Variants in BCR observed in about 807,000 individuals in gnomAD.
BCR encodes breakpoint cluster region protein.
A neutral mutation model predicts 138.6 loss-of-function variants in BCR; 58 were observed. That is an observed-to-expected ratio of 0.42 (90% CI 0.34 to 0.52). BCR has a LOEUF of 0.52. Ranked by LOEUF, BCR falls within the 20% of genes least tolerant of loss-of-function variation. BCR has a pLI of 0.06. For synonymous variants in BCR, 786 were observed against 730.1 expected, an observed-to-expected ratio of 1.08 and a Z score of -1.23; for missense variants, 1,599 against 1,727.2, an observed-to-expected ratio of 0.93 and a Z score of 1.32.
At chr22:23,299,687 C>T (rs1207330078) in intron 16 of BCR, among the ~76,000 whole-genome samples, 1 of 133,986 alleles carries the variant, frequency 7.5e-6, no homozygotes, top group East Asian at 2.1e-4. Flanking sequence ...TTTAATGGAT[C>T]TAGAGTTTAT....
At chr22:23,205,475 G>GTTTGGC (rs2072601477) in intron 1 of BCR, among the ~76,000 whole-genome samples, 1 of 152,098 alleles carries the variant, frequency 6.6e-6, no homozygotes, top group Non-Finnish European at 1.5e-5. Context: ...TTGCACTTGG[G>GTTTGGC]TTTGGCTTTG....
At chr22:23,247,256 ACCT>A (rs1779388022) in intron 1 of BCR, among the ~76,000 whole-genome samples, 1 of 147,150 alleles carries the variant, frequency 6.8e-6, no homozygotes, top group African/African-American at 2.5e-5. Context: ...CTCTGTGAAA[ACCT>A]CCACCACAGC....
chr22:23,202,589 A>G (rs1438428921), intron 1 of BCR, among the ~76,000 whole-genome samples: 2 of 152,094 alleles, frequency 1.3e-5, no homozygotes, highest in African/African-American at 4.8e-5. Flanking sequence ...GACTCTAGAA[A>G]CTTTATTTAA....
rs775298768 is a variant in BCR, at chr22:23,311,739, G to T, written c.3225G>T (p.Val1075=). ...SKVPYIVRQC[V]EEIERRGMEE... is the part of the protein sequence containing the mutation. ...TGCCCTACATCGTGCGCCAGTGCGT[G>T]GAGGAGATCGAGCGCCGAGGCATGG... Residue 1075 remains valine, a synonymous_variant, in exon 19 of 23, where the codon GTG becomes GTT. Coordinates refer to ENST00000305877, the MANE Select transcript of BCR (RefSeq NM_004327.4). 5.6e-6 allele frequency: 9 copies of T among 1,611,406 alleles called. 1 individual carries two copies. In the South Asian group the frequency reaches 9.9e-5, roughly 18 times the overall value.
intron 4 of BCR, among the ~76,000 whole-genome samples, chr22:23,268,014 T>C (rs960046023): frequency 3.9e-5 from 6 of 152,208 alleles, no homozygotes; most frequent in Non-Finnish European, 8.8e-5. Flanking sequence ...GGGGGTGACC[T>C]CTGTGTCCAG....
At chr22:23,229,193 T>G (rs1056045227) in intron 1 of BCR, among the ~76,000 whole-genome samples, 1 of 152,236 alleles carries the variant, frequency 6.6e-6, no homozygotes, top group Non-Finnish European at 1.5e-5. Context: ...AAATTCCTAT[T>G]TGGTTCTTTT....
intron 3 of BCR, 74 bp from the exon 4 acceptor site, chr22:23,261,281 T>C: frequency 6.8e-7 from 1 of 1,465,746 alleles, no homozygotes; most frequent in Non-Finnish European, 9.4e-7. Context: ...ACCATGACTG[T>C]CTACTGCCAT....
chr22:23,292,345 G>T (rs1006660381), intron 14 of BCR, among the ~76,000 whole-genome samples, 196 bp from the exon 15 acceptor site: 1 of 152,242 alleles, frequency 6.6e-6, no homozygotes, highest in Non-Finnish European at 1.5e-5. Context: ...ATTCCACAGA[G>T]CGGGCAGGGG....
At chr22:23,212,273 G>A (rs2072694940) in intron 1 of BCR, among the ~76,000 whole-genome samples, 1 of 152,198 alleles carries the variant, frequency 6.6e-6, no homozygotes, top group Non-Finnish European at 1.5e-5. Context: ...ATTGGGATTG[G>A]CAGACACACT....
chr22:23,195,760 C>T (rs1308680102), intron 1 of BCR, among the ~76,000 whole-genome samples: 1 of 150,934 alleles, frequency 6.6e-6, no homozygotes, highest in Admixed American at 6.6e-5. Context: ...TTGTGGCAGG[C>T]GCCTGTAATC....
rs2072261336 is a variant in BCR, at chr22:23,181,548, G to A, written c.588G>A (p.Val196=). 1.9e-5 allele frequency: 30 copies of A among 1,613,016 alleles called. No homozygotes were observed. The highest frequency in any genetic ancestry group is 2.4e-5 in the Non-Finnish European group (28 of 1,179,992). The change falls in exon 1 of 23, where the codon GTG becomes GTA. Residue 196 remains valine, a synonymous_variant. Coordinates refer to ENST00000305877, the MANE Select transcript of BCR (RefSeq NM_004327.4). ...TGGTGAAGGTCAACGACAAAGAGGT[G>A]TCGGACCGCATCAGCTCCCTGGGCA... The part of the protein sequence containing the change: ...RGLVKVNDKE[V]SDRISSLGSQ...
At chr22:23,283,689 C>T (rs914869984) in intron 8 of BCR, 3 of 354,238 alleles carry the variant, frequency 8.5e-6, no homozygotes, top group Admixed American at 5.0e-5. Flanking sequence ...CCCATTACCT[C>T]CCCCTCTCCC....
intron 8 of BCR, among the ~76,000 whole-genome samples, chr22:23,280,719 C>T (rs1470670093): frequency 1.3e-5 from 2 of 152,206 alleles, no homozygotes; most frequent in South Asian, 2.1e-4. Context: ...TTGCTTTCTG[C>T]GGGCTCCTGT....
chr22:23,223,152 T>G (rs1661310976), intron 1 of BCR, among the ~76,000 whole-genome samples: 1 of 152,152 alleles, frequency 6.6e-6, no homozygotes, highest in Non-Finnish European at 1.5e-5. Context: ...GGGGTTAGAC[T>G]TTAACATAAG....
At chr22:23,314,440 A>C (rs2074044200) in intron 21 of BCR, 112 bp from the exon 22 acceptor site, 1 of 1,257,542 alleles carries the variant, frequency 8.0e-7, no homozygotes, top group Non-Finnish European at 1.1e-6. Context: ...AGCTTGCAGC[A>C]CAGCCAGGGT....
intron 6 of BCR, among the ~76,000 whole-genome samples, chr22:23,271,950 C>T (rs1227801881): frequency 6.6e-6 from 1 of 151,946 alleles, no homozygotes; most frequent in African/African-American, 2.4e-5. Flanking sequence ...CTCAGCCTCC[C>T]GAGTAGCTGG....
chr22:23,289,662 G>A (rs776228976), intron 13 of BCR, 41 bp downstream of exon 13: 15 of 1,547,762 alleles, frequency 9.7e-6, no homozygotes, highest in Non-Finnish European at 1.3e-5. Flanking sequence ...CCTGCAGGGA[G>A]GGCAGGCAGC....
chr22:23,227,067 A>G (rs934760326), intron 1 of BCR, among the ~76,000 whole-genome samples: 4 of 152,194 alleles, frequency 2.6e-5, no homozygotes, highest in Admixed American at 6.5e-5. Context: ...TTTAAAAAAA[A>G]TTCCTTCAAA....
At chr22:23,204,491 G>A (rs2072589419) in intron 1 of BCR, among the ~76,000 whole-genome samples, 2 of 151,880 alleles carry the variant, frequency 1.3e-5, no homozygotes, top group Admixed American at 1.3e-4. Context: ...AAGTCATGTT[G>A]CTCTGAGTTC....
Sources: allele counts gnomAD v4.1 joint callset (sites outside exome capture counted in the v4.1 genomes callset), GRCh38; gene constraint gnomAD v4.1.1; transcripts MANE v1.5; gene names NCBI Gene and HGNC (gene_info 2026-07-23, HGNC 2026-07-21).